Variants in ATP2B1 observed in about 807,000 individuals in gnomAD.
ATP2B1 encodes the protein plasma membrane calcium-transporting ATPase 1.
Under a neutral mutation model 124.2 loss-of-function variants are expected in ATP2B1, and 14 were observed. That is an observed-to-expected ratio of 0.11 (90% CI 0.07 to 0.18). The LOEUF is 0.18. Among genes scored for constraint, ATP2B1 ranks in the 10% least tolerant of loss-of-function variants. ATP2B1 has a pLI of 1.00. For synonymous variants in ATP2B1, 449 were observed against 492.4 expected (o/e 0.91, Z 1.17); for missense variants, 763 against 1,466.1 (o/e 0.52, Z 7.83).
intron 1 of ATP2B1, among the ~76,000 whole-genome samples, chr12:89,677,146 C>A (rs950793130): frequency 6.6e-6 from 1 of 152,142 alleles, no homozygotes; most frequent in African/African-American, 2.4e-5. Flanking sequence ...CAAGGATCAG[C>A]AGACAGAAGC....
At chr12:89,701,679 C>T (rs1420722876) in intron 1 of ATP2B1, among the ~76,000 whole-genome samples, 1 of 152,160 alleles carries the variant, frequency 6.6e-6, no homozygotes, top group Non-Finnish European at 1.5e-5. Context: ...ACAGGCAGGA[C>T]TTTTCCACTT....
At chr12:89,648,058 C>T (rs1263682486) in intron 2 of ATP2B1, among the ~76,000 whole-genome samples, 2 of 152,154 alleles carry the variant, frequency 1.3e-5, no homozygotes, top group African/African-American at 2.4e-5. Flanking sequence ...ATAAATTACC[C>T]AGTCTCAAGT....
chr12:89,697,979 TCTC>T (rs1321919549), intron 1 of ATP2B1, among the ~76,000 whole-genome samples: 1 of 152,086 alleles, frequency 6.6e-6, no homozygotes, highest in East Asian at 1.9e-4. Flanking sequence ...CTCAAACAAT[TCTC>T]CTGCCTCAGC....
intron 1 of ATP2B1, among the ~76,000 whole-genome samples, chr12:89,678,632 T>C (rs1235749510): frequency 6.6e-6 from 1 of 152,152 alleles, no homozygotes; most frequent in African/African-American, 2.4e-5. Context: ...CCATGGCAAA[T>C]AGGAAGCTAT....
At chr12:89,617,173 T>A in intron 11 of ATP2B1, 134 bp from the exon 12 acceptor site, 1 of 692,788 alleles carries the variant, frequency 1.4e-6, no homozygotes, top group Non-Finnish European at 2.4e-6. Flanking sequence ...AATTCATTTT[T>A]ATAGACTTAA....
intron 15 of ATP2B1, among the ~76,000 whole-genome samples, chr12:89,606,854 G>A (rs1233785878): frequency 2.0e-5 from 3 of 152,042 alleles, no homozygotes; most frequent in African/African-American, 7.2e-5. Flanking sequence ...GGGATTACAG[G>A]TGTGAGCCAC....
chr12:89,675,238 G>C (rs1358490569), intron 1 of ATP2B1, among the ~76,000 whole-genome samples: 2 of 152,236 alleles, frequency 1.3e-5, no homozygotes, highest in Non-Finnish European at 2.9e-5. Flanking sequence ...TACAATCCAA[G>C]AATTGCTCAT....
chr12:89,707,146 T>C (rs1892557195), intron 1 of ATP2B1, among the ~76,000 whole-genome samples: 1 of 152,050 alleles, frequency 6.6e-6, no homozygotes. Flanking sequence ...CAATCCCTCT[T>C]AATTCCCCCA....
intron 1 of ATP2B1, among the ~76,000 whole-genome samples, chr12:89,677,848 T>C (rs1888800078): frequency 6.6e-6 from 1 of 151,372 alleles, no homozygotes; most frequent in African/African-American, 2.4e-5. Flanking sequence ...AAGTTTCAAA[T>C]ACCGTAACTA....
At chr12:89,677,951 G>A (rs1888814546) in intron 1 of ATP2B1, among the ~76,000 whole-genome samples, 3 of 51,316 alleles carry the variant, frequency 5.8e-5, no homozygotes, top group African/African-American at 9.4e-5. Context: ...GGGCATGCAG[G>A]AATTATATAT....
rs1237998612 is a variant in ATP2B1 at position 89,653,328 on chromosome 12, C to T, written c.208+2351G>A. On this transcript the variant is annotated intron_variant, in intron 2 of 20. Coordinates refer to ENST00000428670, the MANE Select transcript of ATP2B1 (RefSeq NM_001366521.1). ...TTTTTGAGACGGAGTCTCGCTCTGT[C>T]GCCCAGGCCGGACTGCGGACTGCAG... Among the ~76,000 whole-genome samples, 151 of 142,320 alleles carry T rather than the reference C, an allele frequency of 1.1e-3. 2 individuals are homozygous for T. The highest frequency in any genetic ancestry group is 3.1e-3 in the Admixed American group (43 of 13,970). 93.4% of individuals were successfully genotyped at this position (142,320 alleles called of 152,430 possible).
intron 2 of ATP2B1, among the ~76,000 whole-genome samples, chr12:89,652,320 TC>T (rs5799916): frequency 0.96 from 145,681 of 152,310 alleles, 69,718 homozygotes; most frequent in East Asian, 0.99. Context: ...ACAACTGCCT[TC>T]CCAGTAACTG....
rs577497441 is a variant in ATP2B1, at chr12:89,619,853, C to A, written c.1829+146G>T. On this transcript the variant is annotated intron_variant, in intron 11 of 20. Transcript: ENST00000428670. ...ATGGCAGAATAGCAGGGGCAAATAT[C>A]TGGATACCATAAAATATGCTAAAAA... 13 of 1,015,038 alleles carry A rather than the reference C, an allele frequency of 1.3e-5. 1 individual carries two copies. Among genetic ancestry groups the A allele is most frequent in the Middle Eastern group, 3.3e-4 (1 of 3,064 alleles). The allele number at this position is 1,015,038 out of a possible 1,614,324, so 62.9% of individuals were successfully genotyped here.
chr12:89,614,224 G>A (rs2136028831), intron 12 of ATP2B1, among the ~76,000 whole-genome samples: 1 of 152,312 alleles, frequency 6.6e-6, no homozygotes, highest in South Asian at 2.1e-4. Context: ...CTATTCAGGA[G>A]GCTGAGGTGG....
chr12:89,638,079 A>T (rs977924153), intron 3 of ATP2B1, among the ~76,000 whole-genome samples: 2 of 152,066 alleles, frequency 1.3e-5, no homozygotes, highest in African/African-American at 4.8e-5. Context: ...AATGATTACA[A>T]ATTTTTAGAG....
intron 20 of ATP2B1, among the ~76,000 whole-genome samples, chr12:89,597,125 G>T (rs1188671053): frequency 6.6e-6 from 1 of 152,082 alleles, no homozygotes; most frequent in Non-Finnish European, 1.5e-5. Context: ...CTGACACATG[G>T]TAGGCCTTCC....
At chr12:89,621,505 T>C (rs370001583) in intron 10 of ATP2B1, 44 bp downstream of exon 10, 6 of 1,391,692 alleles carry the variant, frequency 4.3e-6, no homozygotes, top group African/African-American at 2.9e-5. Flanking sequence ...CTGATCATTA[T>C]AGATTTAAAA....
At chr12:89,632,683 T>C (rs1882059816) in intron 5 of ATP2B1, among the ~76,000 whole-genome samples, 1 of 152,214 alleles carries the variant, frequency 6.6e-6, no homozygotes, top group Non-Finnish European at 1.5e-5. Flanking sequence ...CAGTCAGAGA[T>C]GGCATCATGA....
chr12:89,614,380 G>A (rs1878579357), intron 12 of ATP2B1, among the ~76,000 whole-genome samples: 1 of 152,072 alleles, frequency 6.6e-6, no homozygotes, highest in Admixed American at 6.6e-5. Context: ...AACAACCTTT[G>A]AATGATTCTC....
Sources: gnomAD v4.1 joint callset for allele counts (sites outside exome capture counted in the v4.1 genomes callset) on GRCh38, gnomAD v4.1.1 for gene constraint, MANE v1.5 for transcripts, NCBI Gene and HGNC (gene_info 2026-07-23, HGNC 2026-07-21) for gene names.